Variants in OBI1 observed in about 807,000 individuals in gnomAD.
The protein encoded by OBI1 is ORC ubiquitin ligase 1.
Under a neutral mutation model 62.4 loss-of-function variants are expected in OBI1, and 59 were observed. The ratio of observed to expected loss-of-function variants is 0.95; its 90% CI spans 0.77 to 1.17. The LOEUF (loss-of-function observed/expected upper bound fraction) is 1.17, where lower values mean the gene tolerates loss of function less well. Ranked by LOEUF, OBI1 falls within the 50% of genes most tolerant of loss-of-function variation. The pLI is 0.00. For missense variants in OBI1, 875 were observed against 830.9 expected, an observed-to-expected ratio of 1.05 and a Z score of -0.65; for synonymous variants, 302 against 292.8, an observed-to-expected ratio of 1.03 and a Z score of -0.32.
intron 5 of OBI1, among the ~76,000 whole-genome samples, chr13:78,622,547 C>G (rs1875545789): frequency 6.6e-6 from 1 of 152,186 alleles, no homozygotes; most frequent in African/African-American, 2.4e-5. Context: ...ATAGTAGCTT[C>G]TCATTTCCTA....
At chr13:78,630,211 A>G (rs1486484388) in intron 5 of OBI1, among the ~76,000 whole-genome samples, 2 of 152,048 alleles carry the variant, frequency 1.3e-5, no homozygotes, top group Non-Finnish European at 2.9e-5. Flanking sequence ...ATATATTTTC[A>G]TGTCATGCCT....
chr13:78,634,462 CT>C (rs1400551309), intron 5 of OBI1, among the ~76,000 whole-genome samples: 1 of 151,786 alleles, frequency 6.6e-6, no homozygotes, highest in Non-Finnish European at 1.5e-5. Flanking sequence ...GCACAGCTAA[CT>C]TTTTTGTATT....
rs532015301 is a variant in OBI1, at chr13:78,624,369, A to C, written c.639-7247T>G. Among the ~76,000 whole-genome samples, 3 of 152,326 alleles carry C rather than the reference A, an allele frequency of 2.0e-5. No homozygotes were observed. The East Asian group carries it at 5.8e-4, about 29-fold the overall frequency. ...ATTCCTTATCCCTCCATCTTCTAAA[A>C]GTACCATTTAAAAATCAAAGTAGAG... On this transcript the variant is annotated intron_variant, in intron 5 of 5. Transcript: ENST00000282003.
At chr13:78,648,061 T>C (rs886922828) in intron 1 of OBI1, among the ~76,000 whole-genome samples, 2 of 152,160 alleles carry the variant, frequency 1.3e-5, no homozygotes, top group African/African-American at 4.8e-5. Context: ...TGAACGCTTA[T>C]CTATAAAGTA....
chr13:78,656,665 C>T (rs1183336044), intron 1 of OBI1, among the ~76,000 whole-genome samples: 1 of 136,152 alleles, frequency 7.3e-6, no homozygotes, highest in African/African-American at 2.8e-5. Context: ...TAGATTAGAA[C>T]CCGGCTAGCC....
intron 5 of OBI1, among the ~76,000 whole-genome samples, chr13:78,629,339 T>A (rs951608326): frequency 1.3e-5 from 2 of 152,246 alleles, no homozygotes; most frequent in South Asian, 2.1e-4. Context: ...TTAATTCAAT[T>A]ATAACCAAGT....
intron 5 of OBI1, among the ~76,000 whole-genome samples, chr13:78,622,125 T>C (rs956827094): frequency 2.0e-5 from 3 of 152,236 alleles, no homozygotes; most frequent in Admixed American, 6.5e-5. Context: ...CTAAAGGTCA[T>C]CAAACAATTG....
intron 5 of OBI1, among the ~76,000 whole-genome samples, chr13:78,634,045 G>A (rs530256048): frequency 2.0e-5 from 3 of 149,346 alleles, no homozygotes; most frequent in Admixed American, 2.0e-4. Flanking sequence ...TCCAGCCTGG[G>A]CGACAGAGCA....
chr13:78,644,524 C>T (rs1315467947), intron 2 of OBI1, among the ~76,000 whole-genome samples: 1 of 152,016 alleles, frequency 6.6e-6, no homozygotes, highest in Non-Finnish European at 1.5e-5. Flanking sequence ...TTAAAGGCCA[C>T]CTACTTTATG....
intron 5 of OBI1, among the ~76,000 whole-genome samples, chr13:78,628,773 T>C (rs1322636774): frequency 6.6e-6 from 1 of 152,098 alleles, no homozygotes. Flanking sequence ...GAAGGGAAAT[T>C]TGAATCCAGG....
At chr13:78,650,079 G>A (rs372796006) in intron 1 of OBI1, among the ~76,000 whole-genome samples, 5 of 152,304 alleles carry the variant, frequency 3.3e-5, no homozygotes, top group African/African-American at 1.2e-4. Flanking sequence ...GGTTTCTAAT[G>A]CAAAGTAAGA....
At position 78,616,347 on chromosome 13, in the gene OBI1, TG is replaced by T; in HGVS notation, c.1413del (p.Thr472GlnfsTer7). Reference protein sequence around the residue: ...SPKTGFWDCCSTSYAQNLDFE... With the variant: ...SPKTGFWDCCXTSYAQNLDFE... ...AAATCTAAGTTTTGGGCATAGCTTG[TG>T]GAACAACAGTCCCAAAATCCTGTCT... On this transcript the variant is annotated frameshift_variant, in exon 6 of 6. Transcript: ENST00000282003. LOFTEE classifies it high-confidence loss of function. 4 of 1,614,064 alleles carry T rather than the reference TG, an allele frequency of 2.5e-6. 1 individual carries two copies. In the South Asian group the frequency reaches 4.4e-5, roughly 18 times the overall value.
chr13:78,615,952 A>AT lies in OBI1; in HGVS notation c.1808dup (p.Asn603LysfsTer4). On this transcript the variant is annotated frameshift_variant, in exon 6 of 6. Coordinates refer to ENST00000282003, the MANE Select transcript of OBI1 (RefSeq NM_024546.4). LOFTEE classifies it high-confidence loss of function. ...AAGAAGTGGGTTTCCATTCACTTCCATTTTCTAACTGATCATTAGTTAGAG... is the reference window on the plus strand; with the variant it reads ...AAGAAGTGGGTTTCCATTCACTTCCATTTTTCTAACTGATCATTAGTTAGAG... The AT allele has an allele frequency of 6.2e-7, 1 of 1,613,676 alleles. No homozygotes were observed. The highest frequency in any genetic ancestry group is 8.5e-7 in the Non-Finnish European group (1 of 1,179,880).
intron 1 of OBI1, among the ~76,000 whole-genome samples, chr13:78,656,732 G>C (rs1341175848): frequency 3.5e-5 from 2 of 57,316 alleles, no homozygotes; most frequent in African/African-American, 1.2e-4. Context: ...TGGTACCTGG[G>C]GGGGGGGGGG....
At chr13:78,657,376 G>C (rs1876743790) in intron 1 of OBI1, among the ~76,000 whole-genome samples, 1 of 151,898 alleles carries the variant, frequency 6.6e-6, no homozygotes, top group South Asian at 2.1e-4. Flanking sequence ...TGGTAATAAT[G>C]ATAGAGGTTC....
At chr13:78,641,660 G>C (rs1299202394) in intron 3 of OBI1, among the ~76,000 whole-genome samples, 2 of 152,148 alleles carry the variant, frequency 1.3e-5, no homozygotes, top group Non-Finnish European at 2.9e-5. Flanking sequence ...ATAAGGTATA[G>C]TATTTACTTT....
chr13:78,617,186 G>A (rs1875339265), intron 5 of OBI1, 64 bp from the exon 6 acceptor site: 3 of 1,286,762 alleles, frequency 2.3e-6, no homozygotes, highest in Non-Finnish European at 3.2e-6. Context: ...AGGTTTGAGA[G>A]TGCAAACTGT....
intron 5 of OBI1, among the ~76,000 whole-genome samples, chr13:78,621,600 T>G (rs770203736): frequency 5.9e-5 from 9 of 152,138 alleles, no homozygotes; most frequent in Non-Finnish European, 1.2e-4. Context: ...GGAAGTGAAA[T>G]TGAAATCAAA....
intron 1 of OBI1, among the ~76,000 whole-genome samples, chr13:78,654,108 A>G (rs1435836584): frequency 6.6e-6 from 1 of 151,984 alleles, no homozygotes; most frequent in Admixed American, 6.6e-5. Flanking sequence ...GTCTAGGTAA[A>G]AGGAGAGATG....
Sources: gnomAD v4.1 joint callset for allele counts (sites outside exome capture counted in the v4.1 genomes callset) on GRCh38, gnomAD v4.1.1 for gene constraint, MANE v1.5 for transcripts, NCBI Gene and HGNC (gene_info 2026-07-23, HGNC 2026-07-21) for gene names.